RMI1: variants seen among roughly 807,000 people sequenced by gnomAD.
RMI1 encodes recQ-mediated genome instability protein 1.
In RMI1, 36 loss-of-function variants were observed where a neutral mutation model predicts 46.7. The ratio of observed to expected loss-of-function variants is 0.77; its 90% CI spans 0.59 to 1.02. RMI1 has a LOEUF of 1.02. Among genes scored for constraint, RMI1 ranks in the 50% least tolerant of loss-of-function variants. The pLI, the probability that RMI1 is intolerant of heterozygous loss-of-function variation, is 0.00. For missense variants in RMI1, 676 were observed against 713.7 expected (o/e 0.95, Z 0.60); for synonymous variants, 250 against 252.9 (o/e 0.99, Z 0.11).
At chr9:83,985,164 T>G (rs998913839) in intron 1 of RMI1, among the ~76,000 whole-genome samples, 3 of 152,226 alleles carry the variant, frequency 2.0e-5, no homozygotes, top group African/African-American at 7.2e-5. Flanking sequence ...AATATAGATC[T>G]TACATAATAT....
At position 83,998,876 on chromosome 9, in the gene RMI1, C is replaced by T. The variant is rs1481495679; in HGVS notation, c.-125-833C>T. Among the ~76,000 whole-genome samples the T allele has an allele frequency of 2.0e-5, 3 of 152,328 alleles. No homozygotes were observed. The South Asian group carries it at 6.2e-4, about 32-fold the overall frequency. On this transcript the variant is annotated intron_variant, in intron 1 of 2. Transcript: ENST00000445877. ...AAAATAATGGCTGGGCGCGATTGCT[C>T]ACACCTGTAATCCCAGGACTTTGGG...
intron 1 of RMI1, among the ~76,000 whole-genome samples, chr9:83,982,344 G>A (rs1293206326): frequency 6.6e-6 from 1 of 152,102 alleles, no homozygotes; most frequent in African/African-American, 2.4e-5. Flanking sequence ...TGATGAGTGG[G>A]AATCACAAGT....
intron 1 of RMI1, among the ~76,000 whole-genome samples, chr9:83,989,834 C>T (rs574013011): frequency 2.3e-4 from 35 of 152,210 alleles, no homozygotes; most frequent in African/African-American, 7.2e-4. Context: ...CCAGCAATTT[C>T]ACCACAAAGT....
At chr9:83,995,159 C>T (rs570597610) in intron 1 of RMI1, among the ~76,000 whole-genome samples, 1 of 151,996 alleles carries the variant, frequency 6.6e-6, no homozygotes, top group South Asian at 2.1e-4. Context: ...GCAACCATGC[C>T]CAGCTGATTT....
rs1202231185 is a variant in RMI1, at chr9:84,001,297, A to C, written c.311A>C (p.Gln104Pro). ...AGTCAGCCTGCATACTCCCAGATAC[A>C]GAAGTTGAGAGGAAAGAATACAACA... is the stretch of plus-strand genomic sequence containing the variant. Reference protein sequence around the residue: ...DVSQPAYSQIQKLRGKNTTND... With the variant: ...DVSQPAYSQIPKLRGKNTTND... Residue 104 changes from glutamine (Q) to proline (P), a missense_variant, in exon 3 of 3, where the codon CAG becomes CCG. Transcript: ENST00000445877. 6 of 1,614,080 alleles carry C rather than the reference A, an allele frequency of 3.7e-6. No individual in the cohort carries two copies. The highest frequency in any genetic ancestry group is 5.1e-6 in the Non-Finnish European group (6 of 1,180,010).
chr9:83,992,407 G>A (rs1185981474), intron 1 of RMI1, among the ~76,000 whole-genome samples: 3 of 151,744 alleles, frequency 2.0e-5, no homozygotes, highest in African/African-American at 7.3e-5. Flanking sequence ...TTGTGCTTAG[G>A]TACACTAGGT....
upstream of RMI1, chr9:83,980,399 A>AGGGCTC (rs999463682): frequency 6.5e-6 from 1 of 152,676 alleles, no homozygotes; most frequent in Non-Finnish European, 1.5e-5. Flanking sequence ...GAGGCCACTA[A>AGGGCTC]GGGCTCGAGA....
Position 84,001,308 on chromosome 9 carries a change from G to A in RMI1, c.322G>A (p.Gly108Arg), listed in dbSNP as rs770729749. ...PAYSQIQKLRGKNTTNDLVTA... is the reference protein window; with the variant it reads ...PAYSQIQKLRRKNTTNDLVTA... ...ATACTCCCAGATACAGAAGTTGAGA[G>A]GAAAGAATACAACAAATGATCTAGT... Residue 108 changes from glycine to arginine, a missense_variant, in exon 3 of 3, where the codon GGA (glycine) becomes AGA (arginine). Coordinates refer to ENST00000445877, the MANE Select transcript of RMI1 (RefSeq NM_001358291.2). 2.5e-6 allele frequency: 4 copies of A among 1,614,050 alleles called. No individual in the cohort carries two copies. Among genetic ancestry groups the A allele is most frequent in the Non-Finnish European group, 3.4e-6 (4 of 1,179,930 alleles).
chr9:83,994,380 T>C (rs1324370247), intron 1 of RMI1, among the ~76,000 whole-genome samples: 5 of 152,192 alleles, frequency 3.3e-5, no homozygotes, highest in Non-Finnish European at 5.9e-5. Flanking sequence ...CCCATTTCAA[T>C]GTCATGAAGC....
In RMI1 at chr9:83,984,101, A is replaced by G. The variant is rs182507778; in HGVS notation, c.-126+3210A>G. 1.1e-4 allele frequency among the ~76,000 whole-genome samples: 16 copies of G among 152,140 alleles called. No individual in the cohort carries two copies. In the East Asian group the frequency reaches 3.1e-3, roughly 29 times the overall value. On this transcript the variant is annotated intron_variant, in intron 1 of 2. Transcript: ENST00000445877. Reference sequence around the variant, plus strand: ...ACTTATTGATGCATAAAAGATGTACATAGTTTTGGGGTATATGTGATAATT... The same window carrying G: ...ACTTATTGATGCATAAAAGATGTACGTAGTTTTGGGGTATATGTGATAATT...
At chr9:83,990,684 A>G (rs1329774241) in intron 1 of RMI1, among the ~76,000 whole-genome samples, 1 of 152,232 alleles carries the variant, frequency 6.6e-6, no homozygotes, top group Non-Finnish European at 1.5e-5. Flanking sequence ...TGATTTGATC[A>G]TTACACACTG....
Position 84,002,885 on chromosome 9 carries a change from G to C in RMI1, c.*21G>C, listed in dbSNP as rs1957760988. The C allele has an allele frequency of 7.5e-7, 1 of 1,324,852 alleles. No individual in the cohort carries two copies. The highest frequency in any genetic ancestry group is 1.0e-6 in the Non-Finnish European group (1 of 965,572). 82.1% of individuals were successfully genotyped at this position (1,324,852 alleles called of 1,614,324 possible). A position where few individuals can be genotyped will look rare whatever the true frequency, so the allele number is the denominator to read the frequency against. On this transcript the variant is annotated 3_prime_UTR_variant, in exon 3 of 3. Coordinates refer to ENST00000445877, the MANE Select transcript of RMI1 (RefSeq NM_001358291.2). ...AATAATTAAACTAAAATAGTATTAG[G>C]AACAATTAAAAACAACAAGGAAATA...
In RMI1 at chr9:84,003,637, A is replaced by G. The variant is rs1164151130; in HGVS notation, c.*773A>G. ...ATCAGAACATCAGGCTTTCAGATACAAATTGATTTACTGGTTTTTATTTTG... is the reference window on the plus strand; with the variant it reads ...ATCAGAACATCAGGCTTTCAGATACGAATTGATTTACTGGTTTTTATTTTG... On this transcript the variant is annotated 3_prime_UTR_variant, in exon 3 of 3. Transcript: ENST00000445877. 1 of 166,374 alleles carries G rather than the reference A, an allele frequency of 6.0e-6. No homozygotes were observed. The highest frequency in any genetic ancestry group is 1.5e-5 in the Non-Finnish European group (1 of 68,110). 10.3% of individuals were successfully genotyped at this position (166,374 alleles called of 1,614,324 possible).
chr9:83,999,963 T>C (rs1957713903), intron 2 of RMI1, among the ~76,000 whole-genome samples, 166 bp downstream of exon 2: 2 of 152,240 alleles, frequency 1.3e-5, no homozygotes, highest in South Asian at 2.1e-4. Flanking sequence ...AATATTTATA[T>C]ATTTGCCTGG....
rs368760165 is a variant in RMI1 at position 84,002,062 on chromosome 9, C to T, written c.1076C>T (p.Thr359Met). ...IERFSHNPNT[T>M]NNFSLTCKNG... ...AGATTTTCACATAATCCTAATACTACGAATAACTTTTCTTTGACTTGCAAA... is the reference window on the plus strand; with the variant it reads ...AGATTTTCACATAATCCTAATACTATGAATAACTTTTCTTTGACTTGCAAA... The change falls in exon 3 of 3, where the codon ACG becomes ATG. Residue 359 changes from threonine to methionine, a missense_variant. Thr to Met is a moderately conservative substitution (Grantham distance 81). Transcript: ENST00000445877. 2.7e-5 allele frequency: 43 copies of T among 1,613,518 alleles called. No homozygotes were observed. Among genetic ancestry groups the T allele is most frequent in the East Asian group, 2.5e-4 (11 of 44,848 alleles).
In RMI1 at chr9:83,990,372, C is replaced by T. The variant is rs182548899; in HGVS notation, c.-125-9337C>T. Reference sequence around the variant, plus strand: ...ACTAAAAATACAAAAATTAGCCATGCGTGGTGGTACGTGACTAGTCCCAGC... The same window carrying T: ...ACTAAAAATACAAAAATTAGCCATGTGTGGTGGTACGTGACTAGTCCCAGC... On this transcript the variant is annotated intron_variant, in intron 1 of 2. Coordinates refer to ENST00000445877, the MANE Select transcript of RMI1 (RefSeq NM_001358291.2). 2.3e-3 allele frequency among the ~76,000 whole-genome samples: 344 copies of T among 152,096 alleles called. 1 individual carries two copies. The highest frequency in any genetic ancestry group is 7.9e-3 in the African/African-American group (329 of 41,496).
intron 1 of RMI1, among the ~76,000 whole-genome samples, chr9:83,983,739 C>T (rs1045739006): frequency 2.0e-5 from 3 of 151,966 alleles, no homozygotes; most frequent in African/African-American, 7.3e-5. Flanking sequence ...CAGTACAGAT[C>T]TAGAATGCAG....
chr9:83,998,690 G>A (rs1378208886), intron 1 of RMI1, among the ~76,000 whole-genome samples: 5 of 152,166 alleles, frequency 3.3e-5, no homozygotes, highest in Non-Finnish European at 7.3e-5. Flanking sequence ...TTTTGTTATA[G>A]CAGTAGCTTA....
At chr9:83,988,699 A>G (rs1020940697) in intron 1 of RMI1, among the ~76,000 whole-genome samples, 11 of 152,116 alleles carry the variant, frequency 7.2e-5, no homozygotes, top group African/African-American at 2.7e-4. Flanking sequence ...AGTACTTGGT[A>G]TTGTCAGTTA....
Sources: allele counts gnomAD v4.1 joint callset (sites outside exome capture counted in the v4.1 genomes callset), GRCh38; gene constraint gnomAD v4.1.1; transcripts MANE v1.5; gene names NCBI Gene and HGNC (gene_info 2026-07-23, HGNC 2026-07-21).